TMC2: variants seen among roughly 807,000 people sequenced by gnomAD.
The protein encoded by TMC2 is transmembrane channel-like protein 2.
TMC2 carries 102 observed loss-of-function variants against 105.9 expected under a neutral mutation model. The ratio of observed to expected loss-of-function variants is 0.96; its 90% CI spans 0.82 to 1.14. TMC2 has a LOEUF of 1.14. TMC2 is among the 50% of genes most tolerant of loss of function. The pLI, the probability that TMC2 is intolerant of heterozygous loss-of-function variation, is 0.00. For missense variants in TMC2, 1,093 were observed against 1,134.3 expected, an observed-to-expected ratio of 0.96 and a Z score of 0.52; for synonymous variants, 402 against 422.8, an observed-to-expected ratio of 0.95 and a Z score of 0.60.
At chr20:2,545,047 AAAAAAT>A (rs1437779037) in intron 2 of TMC2, among the ~76,000 whole-genome samples, 1 of 138,464 alleles carries the variant, frequency 7.2e-6, no homozygotes, top group Admixed American at 7.7e-5. Context: ...AAAAAAAAAA[AAAAAAT>A]TTAATTAGAC....
intron 10 of TMC2, among the ~76,000 whole-genome samples, chr20:2,599,539 ATT>A (rs11409325): frequency 8.0e-4 from 68 of 85,498 alleles, no homozygotes; most frequent in Non-Finnish European, 9.8e-4. Context: ...CTTTAATTAC[ATT>A]TTTTTTTTTT....
chr20:2,573,561 CTT>C (rs370771531), intron 5 of TMC2, among the ~76,000 whole-genome samples: 10,155 of 115,302 alleles, frequency 0.088, 138 homozygotes, highest in African/African-American at 0.12. Context: ...CTTTTCTTTT[CTT>C]TTTTTTTTTT....
chr20:2,584,443 CA>C (rs1161913633), intron 7 of TMC2, among the ~76,000 whole-genome samples: 5,818 of 70,028 alleles, frequency 0.083, 270 homozygotes, highest in African/African-American at 0.22. Context: ...GACTCCGTCT[CA>C]AAAAAAAAAA....
At chr20:2,541,588 C>G (rs993142310) in intron 2 of TMC2, among the ~76,000 whole-genome samples, 1 of 151,204 alleles carries the variant, frequency 6.6e-6, no homozygotes, top group Non-Finnish European at 1.5e-5. Context: ...TTGCAGTGAG[C>G]CCAGATTGCA....
At chr20:2,630,462 A>G (rs2146264841) in intron 17 of TMC2, among the ~76,000 whole-genome samples, 1 of 152,254 alleles carries the variant, frequency 6.6e-6, no homozygotes, top group South Asian at 2.1e-4. Flanking sequence ...TGTCTCTAAC[A>G]ATTTTTGTCT....
chr20:2,542,299 G>A (rs2085895171), intron 2 of TMC2, among the ~76,000 whole-genome samples: 1 of 152,162 alleles, frequency 6.6e-6, no homozygotes, highest in South Asian at 2.1e-4. Context: ...GCTTGACAAA[G>A]GAAAAGCGTT....
chr20:2,633,088 T>G (rs2086616247), intron 17 of TMC2, among the ~76,000 whole-genome samples: 1 of 152,230 alleles, frequency 6.6e-6, no homozygotes, highest in East Asian at 1.9e-4. Context: ...GCCACTAAAG[T>G]CTGTGCTCAG....
intron 2 of TMC2, 65 bp downstream of exon 2, chr20:2,537,381 C>A: frequency 1.5e-6 from 2 of 1,300,722 alleles, no homozygotes; most frequent in Non-Finnish European, 2.2e-6. Context: ...CTTAGCCCAA[C>A]AGTCCAGCCA....
intron 17 of TMC2, among the ~76,000 whole-genome samples, chr20:2,626,648 C>G (rs1464833635): frequency 6.6e-6 from 1 of 152,192 alleles, no homozygotes; most frequent in Non-Finnish European, 1.5e-5. Context: ...CTATTGCTAG[C>G]TTTGGGCTTT....
intron 5 of TMC2, among the ~76,000 whole-genome samples, chr20:2,576,467 G>A (rs994757071): frequency 2.0e-5 from 3 of 152,166 alleles, no homozygotes; most frequent in Non-Finnish European, 4.4e-5. Context: ...GGAACCGACC[G>A]GCAGGCTGTG....
At chr20:2,537,420 C>A in intron 2 of TMC2, 104 bp downstream of exon 2, 1 of 966,328 alleles carries the variant, frequency 1.0e-6, no homozygotes, top group Non-Finnish European at 1.6e-6. Flanking sequence ...TCATCTCCTT[C>A]CCTCTCATTC....
In TMC2 at chr20:2,606,891, CTTTTT is replaced by C. The variant is rs11476357; in HGVS notation, c.1414-3513_1414-3509del. ...ATAGTTTTCCCTTAATTTCTTTTTT[CTTTTT>C]TTTTTTTTTTTTTTGCAGTATTCTG... On this transcript the variant is annotated intron_variant, in intron 11 of 19. Coordinates refer to ENST00000358864, the MANE Select transcript of TMC2 (RefSeq NM_080751.3). Among the ~76,000 whole-genome samples, 92 of 83,986 alleles carry C rather than the reference CTTTTT, an allele frequency of 1.1e-3. No individual in the cohort carries two copies. In the East Asian group the frequency reaches 0.018, roughly 17 times the overall value. 55.1% of individuals were successfully genotyped at this position (83,986 alleles called of 152,430 possible).
chr20:2,617,050 T>C, intron 15 of TMC2, 22 bp from the exon 16 acceptor site: 3 of 1,613,572 alleles, frequency 1.9e-6, no homozygotes, highest in Non-Finnish European at 2.5e-6. Context: ...GCCAACCAGG[T>C]GTTTGGTTTC....
chr20:2,548,689 T>C (rs116677790), intron 2 of TMC2, among the ~76,000 whole-genome samples: 4,351 of 151,930 alleles, frequency 0.029, 141 homozygotes, highest in African/African-American at 0.078. Flanking sequence ...ATCTAATCAA[T>C]ATCCATAAAC....
chr20:2,597,796 CCTGT>C (rs1310727860), intron 10 of TMC2, among the ~76,000 whole-genome samples: 4 of 152,100 alleles, frequency 2.6e-5, no homozygotes, highest in Non-Finnish European at 4.4e-5. Flanking sequence ...CCACGCCCAG[CCTGT>C]CTGTTTCTTA....
chr20:2,631,175 ATAG>A (rs1389435832), intron 17 of TMC2, among the ~76,000 whole-genome samples: 1 of 152,132 alleles, frequency 6.6e-6, no homozygotes, highest in Admixed American at 6.6e-5. Flanking sequence ...CTTAATTATA[ATAG>A]TATACAAAAA....
At chr20:2,588,063 A>T (rs1165277728) in intron 7 of TMC2, among the ~76,000 whole-genome samples, 4 of 150,912 alleles carry the variant, frequency 2.7e-5, no homozygotes, top group Admixed American at 1.3e-4. Flanking sequence ...TATCACTCCA[A>T]GGTTATTTGA....
rs779139849 is a variant in TMC2, at chr20:2,562,024, G to A, written c.554+14G>A. Reference sequence around the variant, plus strand: ...GACAGAGCTCAGGTGAGCAGGCTGCGGGTCAGCCAGGGCCTTCCGATGTCC... The same window carrying A: ...GACAGAGCTCAGGTGAGCAGGCTGCAGGTCAGCCAGGGCCTTCCGATGTCC... On this transcript the variant is annotated intron_variant, in intron 4 of 19. Coordinates refer to ENST00000358864, the MANE Select transcript of TMC2 (RefSeq NM_080751.3). 41 of 1,610,320 alleles carry A rather than the reference G, an allele frequency of 2.5e-5. No individual in the cohort carries two copies. Among genetic ancestry groups the A allele is most frequent in the South Asian group, 1.7e-4 (15 of 90,478 alleles).
At chr20:2,635,505 C>T (rs1399821971) in intron 17 of TMC2, among the ~76,000 whole-genome samples, 2 of 152,186 alleles carry the variant, frequency 1.3e-5, no homozygotes, top group Non-Finnish European at 2.9e-5. Flanking sequence ...CTACTCTCTG[C>T]TTCATGGCAT....
Sources: allele counts gnomAD v4.1 joint callset (sites outside exome capture counted in the v4.1 genomes callset), GRCh38; gene constraint gnomAD v4.1.1; transcripts MANE v1.5; gene names NCBI Gene and HGNC (gene_info 2026-07-23, HGNC 2026-07-21).